The following PCDHA13 variants were observed in gnomAD, a reference collection of about 807,000 sequenced individuals.
PCDHA13 encodes protocadherin alpha 13, also known as protocadherin alpha-13.
In PCDHA13, 54 loss-of-function variants were observed where a neutral mutation model predicts 64.8. That is an observed-to-expected ratio of 0.83 (90% CI 0.67 to 1.04). The LOEUF (loss-of-function observed/expected upper bound fraction) is 1.04. PCDHA13 is among the 50% of genes least tolerant of loss of function. The probability of loss-of-function intolerance (pLI) is 0.00; values close to 1 mark genes in which losing one functional copy is unlikely to be tolerated. For synonymous variants in PCDHA13, 587 were observed against 564.4 expected (o/e 1.04, Z -0.57); for missense variants, 1,248 against 1,254.3 (o/e 0.99, Z 0.08).
At chr5:140,927,896 A>C in intron 1 of PCDHA13, 1 of 1,614,200 alleles carries the variant, frequency 6.2e-7, no homozygotes, top group East Asian at 2.2e-5. Flanking sequence ...GACGTGAACG[A>C]TCATGCCCCC....
intron 1 of PCDHA13, among the ~76,000 whole-genome samples, chr5:140,895,711 T>C (rs2065121989): frequency 6.6e-6 from 1 of 152,216 alleles, no homozygotes; most frequent in African/African-American, 2.4e-5. Flanking sequence ...CTTGGGATAA[T>C]GGCCTGCACC....
chr5:140,893,106 C>T (rs1226663436), intron 1 of PCDHA13, among the ~76,000 whole-genome samples: 3 of 152,170 alleles, frequency 2.0e-5, no homozygotes, highest in African/African-American at 4.8e-5. Flanking sequence ...GATAATATTC[C>T]GTTGTGCATA....
chr5:140,918,473 T>G (rs1385942505), intron 1 of PCDHA13, among the ~76,000 whole-genome samples: 1 of 152,284 alleles, frequency 6.6e-6, no homozygotes, highest in East Asian at 1.9e-4. Context: ...ATTCCAAGTC[T>G]CAAGGGGAAT....
chr5:140,986,204 T>A (rs2097190386), intron 3 of PCDHA13, among the ~76,000 whole-genome samples: 1 of 152,224 alleles, frequency 6.6e-6, no homozygotes, highest in African/African-American at 2.4e-5. Context: ...TAATCCTGAT[T>A]ACTGGCCCCT....
intron 3 of PCDHA13, among the ~76,000 whole-genome samples, chr5:141,002,613 A>G (rs1587992392): frequency 1.3e-5 from 2 of 152,206 alleles, no homozygotes; most frequent in African/African-American, 4.8e-5. Context: ...AAACAGACAC[A>G]TAACACAGAC....
At chr5:140,978,909 C>G (rs782321430) in intron 1 of PCDHA13, 40 bp from the exon 2 acceptor site, 2 of 1,613,660 alleles carry the variant, frequency 1.2e-6, no homozygotes, top group South Asian at 2.2e-5. Context: ...AGAACATTGT[C>G]TTGTCATTTT....
chr5:140,906,827 G>C (rs2153497509), intron 1 of PCDHA13, among the ~76,000 whole-genome samples: 1 of 152,308 alleles, frequency 6.6e-6, no homozygotes, highest in South Asian at 2.1e-4. Flanking sequence ...TGGAGTAGTA[G>C]ACTGATTTCA....
chr5:141,011,190 T>C lies in PCDHA13; in HGVS notation c.*1253T>C, dbSNP rs1321258440. On this transcript the variant is annotated 3_prime_UTR_variant, in exon 4 of 4. Coordinates refer to ENST00000289272, the MANE Select transcript of PCDHA13 (RefSeq NM_018904.3). Reference sequence around the variant, plus strand: ...AAGACCCAAAAATTGAAGAAAAATATTGTTTTCTCATACAGTGAGCAGATT... The same window carrying C: ...AAGACCCAAAAATTGAAGAAAAATACTGTTTTCTCATACAGTGAGCAGATT... The C allele has an allele frequency of 1.3e-5, 2 of 153,748 alleles. No individual in the cohort carries two copies. The highest frequency in any genetic ancestry group is 1.9e-4 in the East Asian group (1 of 5,200). The allele number at this position is 153,748 out of a possible 1,614,324, so 9.5% of individuals were successfully genotyped here. A position where few individuals can be genotyped will look rare whatever the true frequency, so the allele number is the denominator to read the frequency against.
In PCDHA13 at chr5:141,006,221, T is replaced by C. The variant is rs559314025; in HGVS notation, c.2543-3406T>C. Among the ~76,000 whole-genome samples, 485 of 152,162 alleles carry C rather than the reference T, an allele frequency of 3.2e-3. 7 individuals carry two copies. The highest frequency in any genetic ancestry group is 0.01 in the Middle Eastern group (3 of 294). On this transcript the variant is annotated intron_variant, in intron 3 of 3. Transcript: ENST00000289272. Reference sequence around the variant, plus strand: ...GTTATGCCTCATTTTTTTTTAAATTTTTTATTTTTAGATGGAGTCTTGCTC... The same window carrying C: ...GTTATGCCTCATTTTTTTTTAAATTCTTTATTTTTAGATGGAGTCTTGCTC...
At chr5:140,998,769 G>A (rs1210690974) in intron 3 of PCDHA13, among the ~76,000 whole-genome samples, 1 of 152,054 alleles carries the variant, frequency 6.6e-6, no homozygotes, top group Non-Finnish European at 1.5e-5. Flanking sequence ...TCACTATGTT[G>A]GTCAGGCTGG....
chr5:140,884,194 G>C lies in PCDHA13; in HGVS notation c.1926G>C (p.Ala642=). The change falls in exon 1 of 4, where the codon GCG becomes GCC. Residue 642 remains alanine, a synonymous_variant. Transcript: ENST00000289272. ...STTRPLDEVD[A]PHHRLLVLVK... ...CGCGCCCTCTGGACGAGGTGGACGCGCCGCACCACCGCCTTCTGGTGCTGG... is the reference window on the plus strand; with the variant it reads ...CGCGCCCTCTGGACGAGGTGGACGCCCCGCACCACCGCCTTCTGGTGCTGG... 6.2e-7 allele frequency: 1 copy of C among 1,613,402 alleles called. No homozygotes were observed. The highest frequency in any genetic ancestry group is 8.5e-7 in the Non-Finnish European group (1 of 1,179,746).
chr5:140,967,800 TGGCA>T, intron 1 of PCDHA13: 1 of 1,614,174 alleles, frequency 6.2e-7, no homozygotes, highest in Non-Finnish European at 8.5e-7. Context: ...CCAGTGCCCA[TGGCA>T]GGTCACTGCA....
intron 3 of PCDHA13, among the ~76,000 whole-genome samples, chr5:140,998,686 T>G (rs1245765431): frequency 6.6e-6 from 1 of 152,118 alleles, no homozygotes; most frequent in Non-Finnish European, 1.5e-5. Context: ...TGCCTCAGCC[T>G]CCCAAGTAGC....
At chr5:140,987,439 A>G (rs1407783928) in intron 3 of PCDHA13, among the ~76,000 whole-genome samples, 18 of 152,154 alleles carry the variant, frequency 1.2e-4, no homozygotes, top group African/African-American at 3.9e-4. Flanking sequence ...GCCTTTCCCC[A>G]TGCCCGAGAG....
At chr5:140,890,781 A>G (rs2153431855) in intron 1 of PCDHA13, among the ~76,000 whole-genome samples, 1 of 152,280 alleles carries the variant, frequency 6.6e-6, no homozygotes, top group African/African-American at 2.4e-5. Context: ...ACCCCATAAG[A>G]TATTAGTATT....
chr5:140,885,525 A>G (rs1206570848), intron 1 of PCDHA13, among the ~76,000 whole-genome samples: 4 of 152,128 alleles, frequency 2.6e-5, no homozygotes, highest in Admixed American at 6.6e-5. Flanking sequence ...ATCATTTCAT[A>G]TATTTCCCAA....
Position 141,010,026 on chromosome 5 carries a change from T to C in PCDHA13, c.*89T>C. On this transcript the variant is annotated 3_prime_UTR_variant, in exon 4 of 4. Transcript: ENST00000289272. ...AGCAATTCCCTGCTCCTTTTTCCTA[T>C]CTACATGAGCCCTCTTAGAGACCTC... 1 of 1,574,670 alleles carries C rather than the reference T, an allele frequency of 6.4e-7. No homozygotes were observed. The highest frequency in any genetic ancestry group is 8.6e-7 in the Non-Finnish European group (1 of 1,164,154).
intron 1 of PCDHA13, among the ~76,000 whole-genome samples, chr5:140,926,202 G>T (rs1194252332): frequency 6.6e-6 from 1 of 151,658 alleles, no homozygotes; most frequent in East Asian, 1.9e-4. Flanking sequence ...TTCTTTCGGG[G>T]GGCTCCTGTT....
At chr5:140,960,068 T>C (rs144291604) in intron 1 of PCDHA13, among the ~76,000 whole-genome samples, 1 of 152,358 alleles carries the variant, frequency 6.6e-6, no homozygotes, top group African/African-American at 2.4e-5. Flanking sequence ...GAAGATTCAA[T>C]TGAAGTTTCT....
Sources: gnomAD v4.1 joint callset for allele counts (sites outside exome capture counted in the v4.1 genomes callset) on GRCh38, gnomAD v4.1.1 for gene constraint, MANE v1.5 for transcripts, NCBI Gene and HGNC (gene_info 2026-07-23, HGNC 2026-07-21) for gene names.